SUGCT: variants seen among roughly 807,000 people sequenced by gnomAD.
The protein encoded by SUGCT is succinyl-CoA:glutarate-CoA transferase.
In SUGCT, 41 loss-of-function variants were observed where a neutral mutation model predicts 55.0. That is an observed-to-expected ratio of 0.74 (90% confidence interval 0.58 to 0.97). The LOEUF is 0.97. SUGCT is among the 50% of genes least tolerant of loss of function. The pLI is 0.00. For missense variants in SUGCT, 568 were observed against 547.8 expected, an observed-to-expected ratio of 1.04 and a Z score of -0.37; for synonymous variants, 187 against 200.4, an observed-to-expected ratio of 0.93 and a Z score of 0.56.
intron 8 of SUGCT, among the ~76,000 whole-genome samples, chr7:40,291,806 T>C (rs890908908): frequency 6.6e-6 from 1 of 152,122 alleles, no homozygotes; most frequent in African/African-American, 2.4e-5. Flanking sequence ...GGGAGTCTTA[T>C]AGTTTGCGAT....
chr7:40,159,852 A>C (rs1017229603), intron 1 of SUGCT, among the ~76,000 whole-genome samples: 1 of 152,194 alleles, frequency 6.6e-6, no homozygotes, highest in African/African-American at 2.4e-5. Context: ...ATTGTGCTAC[A>C]TGGTATGCAG....
At chr7:40,793,882 A>G (rs55832912) in intron 13 of SUGCT, among the ~76,000 whole-genome samples, 12,964 of 152,180 alleles carry the variant, frequency 0.085, 661 homozygotes, top group Middle Eastern at 0.17. Flanking sequence ...CTTCAGCTGT[A>G]TCTAATCTGC....
At chr7:40,321,469 G>A (rs1034476161) in intron 9 of SUGCT, among the ~76,000 whole-genome samples, 6 of 151,796 alleles carry the variant, frequency 4.0e-5, no homozygotes, top group Admixed American at 3.9e-4. Flanking sequence ...TGCAACCTCT[G>A]CCTACCGAGT....
the SUGCT span, among the ~76,000 whole-genome samples, chr7:40,919,787 T>C: frequency 0.54 from 82,143 of 151,962 alleles, 23,319 homozygotes; most frequent in African/African-American, 0.72. Context: ...TGTGTAATAC[T>C]TTTCCACAAC....
At chr7:40,881,511 C>A in the SUGCT span, among the ~76,000 whole-genome samples, 428 of 152,318 alleles carry the variant, frequency 2.8e-3, 1 homozygote, top group Non-Finnish European at 5.0e-3. Flanking sequence ...GTCATCTGAG[C>A]AACAGCCACT....
chr7:40,777,468 T>A (rs932653674), intron 13 of SUGCT, among the ~76,000 whole-genome samples: 1 of 151,936 alleles, frequency 6.6e-6, no homozygotes, highest in Non-Finnish European at 1.5e-5. Context: ...TTTTTTAAAA[T>A]CAGTTCACTT....
intron 13 of SUGCT, among the ~76,000 whole-genome samples, chr7:40,829,665 A>T (rs1217222886): frequency 1.3e-5 from 2 of 152,146 alleles, no homozygotes; most frequent in African/African-American, 4.8e-5. Flanking sequence ...ATGGAGTGGC[A>T]TCTCCTTCCT....
At chr7:40,621,921 C>T (rs932338497) in intron 12 of SUGCT, among the ~76,000 whole-genome samples, 3 of 152,168 alleles carry the variant, frequency 2.0e-5, no homozygotes, top group Non-Finnish European at 2.9e-5. Flanking sequence ...ACATTCCCTC[C>T]CCCAACTTCT....
chr7:40,384,650 TCTC>T (rs1203126352), intron 9 of SUGCT, among the ~76,000 whole-genome samples: 1 of 151,936 alleles, frequency 6.6e-6, no homozygotes, highest in African/African-American at 2.4e-5. Context: ...TTCAAGCAAT[TCTC>T]CTGCCTTAGC....
chr7:40,385,651 G>C (rs1401653344), intron 9 of SUGCT, among the ~76,000 whole-genome samples: 1 of 152,190 alleles, frequency 6.6e-6, no homozygotes, highest in Non-Finnish European at 1.5e-5. Context: ...TAGAAAGGAA[G>C]TATAAAGATT....
the SUGCT span, chr7:40,966,638 C>G: frequency 6.6e-6 from 1 of 152,292 alleles, no homozygotes; most frequent in African/African-American, 2.4e-5. Flanking sequence ...CTTCAACTAC[C>G]TCATCACACC....
chr7:40,304,585 AC>A (rs928142327), intron 8 of SUGCT, among the ~76,000 whole-genome samples: 8 of 149,380 alleles, frequency 5.4e-5, no homozygotes, highest in Non-Finnish European at 5.9e-5. Flanking sequence ...ATCCCTCACC[AC>A]CCCCCACCCT....
intron 13 of SUGCT, among the ~76,000 whole-genome samples, chr7:40,825,829 A>G (rs540961853): frequency 3.9e-5 from 6 of 152,258 alleles, no homozygotes; most frequent in African/African-American, 1.4e-4. Context: ...AAAAGCCCCC[A>G]TGGCATAGAA....
chr7:40,181,981 T>C lies in SUGCT; in HGVS notation c.179T>C (p.Met60Thr). 2 of 1,601,242 alleles carry C rather than the reference T, an allele frequency of 1.2e-6. No individual in the cohort carries two copies. The highest frequency in any genetic ancestry group is 1.7e-4 in the Middle Eastern group (1 of 5,920). ...GTCCTGGCGGGACCTTTTGCTACTATGAATTTAGGAGATCTTGGAGCAGAA... is the reference window on the plus strand; with the variant it reads ...GTCCTGGCGGGACCTTTTGCTACTACGAATTTAGGAGATCTTGGAGCAGAA... ...TRVLAGPFAT[M>T]NLGDLGAEVI... Residue 60 changes from methionine (M) to threonine (T), a missense_variant, in exon 3 of 14, where the codon ATG becomes ACG. Transcript: ENST00000335693.
Position 40,306,389 on chromosome 7 carries a change from A to G in SUGCT, c.721-10371A>G, listed in dbSNP as rs536634016. 5.3e-5 allele frequency among the ~76,000 whole-genome samples: 8 copies of G among 152,300 alleles called. No individual in the cohort carries two copies. The South Asian group carries it at 1.7e-3, about 32-fold the overall frequency. On this transcript the variant is annotated intron_variant, in intron 8 of 13. Coordinates refer to ENST00000335693, the MANE Select transcript of SUGCT (RefSeq NM_001193313.2). ...TTTAAAAATGTCTCTTGTAGCATTGATCATTTCTATTCTGAATTATAAATA... is the reference window on the plus strand; with the variant it reads ...TTTAAAAATGTCTCTTGTAGCATTGGTCATTTCTATTCTGAATTATAAATA...
At chr7:40,910,670 G>C in the SUGCT span, among the ~76,000 whole-genome samples, 1 of 152,078 alleles carries the variant, frequency 6.6e-6, no homozygotes, top group African/African-American at 2.4e-5. Context: ...TGCTCTATTT[G>C]GTTCCTCTGC....
At chr7:40,163,535 G>GCT (rs1232619610) in intron 1 of SUGCT, among the ~76,000 whole-genome samples, 1 of 151,698 alleles carries the variant, frequency 6.6e-6, no homozygotes, top group African/African-American at 2.4e-5. Context: ...AACTGTGGAG[G>GCT]CGGAGGATGC....
intron 11 of SUGCT, among the ~76,000 whole-genome samples, chr7:40,460,685 TTA>T (rs1276250518): frequency 6.6e-6 from 1 of 152,168 alleles, no homozygotes; most frequent in Non-Finnish European, 1.5e-5. Context: ...CTAAATTATG[TTA>T]TAGAGTTCAA....
chr7:40,890,501 G>C, the SUGCT span, among the ~76,000 whole-genome samples: 1 of 151,844 alleles, frequency 6.6e-6, no homozygotes, highest in South Asian at 2.1e-4. Context: ...TGAGGACTCA[G>C]TCATCAGGCT....
Sources: gnomAD v4.1 joint callset for allele counts (sites outside exome capture counted in the v4.1 genomes callset) on GRCh38, gnomAD v4.1.1 for gene constraint, MANE v1.5 for transcripts, NCBI Gene and HGNC (gene_info 2026-07-23, HGNC 2026-07-21) for gene names.